Variants in KDELR2 observed in about 807,000 individuals in gnomAD.
The protein encoded by KDELR2 is ER lumen protein-retaining receptor 2.
KDELR2 carries 15 observed loss-of-function variants against 23.9 expected under a neutral mutation model. The ratio of observed to expected loss-of-function variants is 0.63; its 90% CI spans 0.42 to 0.97. The LOEUF is 0.97. Ranked by LOEUF, KDELR2 falls within the 50% of genes least tolerant of loss-of-function variation. KDELR2 has a pLI of 0.00. For missense variants in KDELR2, 272 were observed against 254.6 expected (o/e 1.07, Z -0.46); for synonymous variants, 119 against 106.2 (o/e 1.12, Z -0.74).
chr7:6,478,869 A>G (rs1442825280), intron 1 of KDELR2, among the ~76,000 whole-genome samples: 1 of 151,890 alleles, frequency 6.6e-6, no homozygotes, highest in Non-Finnish European at 1.5e-5. Context: ...GCTCACTGCA[A>G]CCTCTGCCTC....
In KDELR2 at chr7:6,469,690, T is replaced by A. The variant is rs1785585168; in HGVS notation, c.257A>T (p.Tyr86Phe). ...YLIYLKFKATYDGNHDTFRVE... is the reference protein window; with the variant it reads ...YLIYLKFKATFDGNHDTFRVE... ...TCGGAAGGTATCATGATTTCCATCG[T>A]AGGTTGCCTTAAATTTCAGGTAGAT... The change falls in exon 3 of 5, where the codon TAC becomes TTC. Residue 86 changes from tyrosine to phenylalanine, a missense_variant. Physicochemically the swap from Tyr to Phe is conservative, Grantham distance 22. Transcript: ENST00000258739. 1 of 1,614,044 alleles carries A rather than the reference T, an allele frequency of 6.2e-7. No individual in the cohort carries two copies. Among genetic ancestry groups the A allele is most frequent in the Non-Finnish European group, 8.5e-7 (1 of 1,179,954 alleles).
intron 1 of KDELR2, among the ~76,000 whole-genome samples, chr7:6,480,370 T>C (rs1374614220): frequency 6.6e-6 from 1 of 152,216 alleles, no homozygotes; most frequent in African/African-American, 2.4e-5. Context: ...AACTTGAGCA[T>C]ACCGTGGATC....
Position 6,462,427 on chromosome 7 carries a change from T to C in KDELR2, c.*714A>G. On this transcript the variant is annotated 3_prime_UTR_variant, in exon 5 of 5. Coordinates refer to ENST00000258739, the MANE Select transcript of KDELR2 (RefSeq NM_006854.4). ...CTGCCACTGGATTCTTCAGCACCCT[T>C]GGGACAGTCTCCAACTGACACTTCC... The C allele has an allele frequency of 6.5e-6, 1 of 154,866 alleles. No individual in the cohort carries two copies. The highest frequency in any genetic ancestry group is 1.4e-5 in the Non-Finnish European group (1 of 69,990). The allele number at this position is 154,866 out of a possible 1,614,324, so 9.6% of individuals were successfully genotyped here. A position where few individuals can be genotyped will look rare whatever the true frequency, so the allele number is the denominator to read the frequency against.
intron 1 of KDELR2, among the ~76,000 whole-genome samples, chr7:6,476,072 A>C (rs541031113): frequency 6.6e-6 from 1 of 152,156 alleles, no homozygotes; most frequent in Non-Finnish European, 1.5e-5. Context: ...GCACCACCAC[A>C]CCTGGCTAAT....
intron 2 of KDELR2, among the ~76,000 whole-genome samples, chr7:6,472,278 A>T (rs1319229166): frequency 6.6e-6 from 1 of 152,192 alleles, no homozygotes; most frequent in Non-Finnish European, 1.5e-5. Flanking sequence ...CAACATTAAT[A>T]AAAACTTGAT....
At chr7:6,472,401 G>A (rs1785667337) in intron 2 of KDELR2, among the ~76,000 whole-genome samples, 1 of 152,118 alleles carries the variant, frequency 6.6e-6, no homozygotes, top group South Asian at 2.1e-4. Flanking sequence ...CGGGTCTCAC[G>A]CCAGACTTTC....
chr7:6,482,627 A>C (rs1249826615), intron 1 of KDELR2: 2 of 463,070 alleles, frequency 4.3e-6, no homozygotes, highest in Non-Finnish European at 4.5e-6. Flanking sequence ...GTGTGACTTT[A>C]GACGCCAAAA....
chr7:6,462,835 T>A lies in KDELR2; in HGVS notation c.*306A>T. 1.3e-6 allele frequency: 1 copy of A among 768,666 alleles called. No homozygotes were observed. The allele number at this position is 768,666 out of a possible 1,614,324, so 47.6% of individuals were successfully genotyped here. Reference sequence around the variant, plus strand: ...AAATAAAAAAAAAATTTGCACTTATTCCTCACAAAATCTTCACTTTTGGAA... The same window carrying A: ...AAATAAAAAAAAAATTTGCACTTATACCTCACAAAATCTTCACTTTTGGAA... On this transcript the variant is annotated 3_prime_UTR_variant, in exon 5 of 5. Coordinates refer to ENST00000258739, the MANE Select transcript of KDELR2 (RefSeq NM_006854.4).
chr7:6,474,022 GT>G (rs1174965998), intron 2 of KDELR2, 161 bp downstream of exon 2: 1 of 516,106 alleles, frequency 1.9e-6, no homozygotes, highest in African/African-American at 1.9e-5. Context: ...TTTAGTCCCA[GT>G]TATATATACA....
At chr7:6,473,273 C>T (rs1212524180) in intron 2 of KDELR2, among the ~76,000 whole-genome samples, 1 of 151,838 alleles carries the variant, frequency 6.6e-6, no homozygotes, top group African/African-American at 2.4e-5. Context: ...TCCTTTGTGG[C>T]ACCCATCATA....
In KDELR2 at chr7:6,466,202, T is replaced by C. The variant is rs756259511; in HGVS notation, c.473A>G (p.Tyr158Cys). Reference sequence around the variant, plus strand: ...CCAGTTGACAAGATACAAAGCACGATAGAGGCCCAGGAAGAACAGGTAGTG... The same window carrying C: ...CCAGTTGACAAGATACAAAGCACGACAGAGGCCCAGGAAGAACAGGTAGTG... Reference protein sequence around the residue: ...TTHYLFFLGLYRALYLVNWIW... With the variant: ...TTHYLFFLGLCRALYLVNWIW... Residue 158 changes from tyrosine to cysteine, a missense_variant, in exon 4 of 5, where the codon TAT (tyrosine) becomes TGT (cysteine). Physicochemically the swap from Tyr to Cys is radical, Grantham distance 194. Transcript: ENST00000258739. 6 of 1,614,110 alleles carry C rather than the reference T, an allele frequency of 3.7e-6. No homozygotes were observed. The Admixed American group carries it at 6.7e-5, about 18-fold the overall frequency.
intron 1 of KDELR2, among the ~76,000 whole-genome samples, chr7:6,479,361 C>T (rs1785834392): frequency 6.6e-6 from 1 of 151,892 alleles, no homozygotes; most frequent in South Asian, 2.1e-4. Context: ...CACCATGCTG[C>T]CCAAGCTGGT....
chr7:6,463,042 A>C lies in KDELR2; in HGVS notation c.*99T>G. The stretch of plus-strand genomic sequence containing the variant: ...ATGACTATCTGCAACAAAAGAGTTA[A>C]GTTTCTGATTTTCCGTATCAAGCAT... On this transcript the variant is annotated 3_prime_UTR_variant, in exon 5 of 5. Coordinates refer to ENST00000258739, the MANE Select transcript of KDELR2 (RefSeq NM_006854.4). The C allele has an allele frequency of 1.9e-6, 3 of 1,614,176 alleles. No homozygotes were observed. Among genetic ancestry groups the C allele is most frequent in the Non-Finnish European group, 2.5e-6 (3 of 1,180,024 alleles).
intron 1 of KDELR2, among the ~76,000 whole-genome samples, 186 bp from the exon 2 acceptor site, chr7:6,474,470 C>G (rs1402261329): frequency 6.6e-6 from 1 of 152,092 alleles, no homozygotes; most frequent in Non-Finnish European, 1.5e-5. Flanking sequence ...CAAACATGCT[C>G]CTTTTGGGAG....
chr7:6,474,294 C>T lies in KDELR2; in HGVS notation c.92-10G>A. 6.3e-7 allele frequency: 1 copy of T among 1,586,838 alleles called. No individual in the cohort carries two copies. Among genetic ancestry groups the T allele is most frequent in the Non-Finnish European group, 8.7e-7 (1 of 1,155,288 alleles). ...CTTTTCCCAGAAATACCTAGAGAAACAGAAGGGAAGTATTAGAAGGGCCTG... is the reference window on the plus strand; with the variant it reads ...CTTTTCCCAGAAATACCTAGAGAAATAGAAGGGAAGTATTAGAAGGGCCTG... On this transcript the variant is annotated splice_polypyrimidine_tract_variant and intron_variant, in intron 1 of 4. Transcript: ENST00000258739.
At chr7:6,474,666 CT>C (rs1028165979) in intron 1 of KDELR2, among the ~76,000 whole-genome samples, 1 of 152,158 alleles carries the variant, frequency 6.6e-6, no homozygotes, top group African/African-American at 2.4e-5. Context: ...TCAGATTTTT[CT>C]TTTTTGTTTT....
At chr7:6,467,638 G>A (rs777593218) in intron 3 of KDELR2, among the ~76,000 whole-genome samples, 1 of 152,180 alleles carries the variant, frequency 6.6e-6, no homozygotes, top group Non-Finnish European at 1.5e-5. Flanking sequence ...GTGGGTGCCT[G>A]TAATCCCACC....
At chr7:6,483,254 G>A (rs1047857372) in intron 1 of KDELR2, among the ~76,000 whole-genome samples, 1 of 152,174 alleles carries the variant, frequency 6.6e-6, no homozygotes, top group African/African-American at 2.4e-5. Context: ...ATTATTAGAT[G>A]GAGGCACTTA....
At chr7:6,481,460 G>C (rs1329736362) in intron 1 of KDELR2, among the ~76,000 whole-genome samples, 1 of 151,936 alleles carries the variant, frequency 6.6e-6, no homozygotes, top group Non-Finnish European at 1.5e-5. Context: ...TTAGGAGACA[G>C]CACACTTCAA....
Sources: allele counts gnomAD v4.1 joint callset (sites outside exome capture counted in the v4.1 genomes callset), GRCh38; gene constraint gnomAD v4.1.1; transcripts MANE v1.5; gene names NCBI Gene and HGNC (gene_info 2026-07-23, HGNC 2026-07-21).